The following PCDH9 variants were observed in gnomAD, a reference collection of about 807,000 sequenced individuals.
The protein encoded by PCDH9 is protocadherin-9.
A neutral mutation model predicts 70.6 loss-of-function variants in PCDH9; 24 were observed. That is an observed-to-expected ratio of 0.34 (90% CI 0.25 to 0.48). PCDH9 has a LOEUF of 0.48. Among genes scored for constraint, PCDH9 ranks in the 20% least tolerant of loss-of-function variants. The pLI, the probability that PCDH9 is intolerant of heterozygous loss-of-function variation, is 0.99. For missense variants in PCDH9, 1,281 were observed against 1,503.6 expected, an observed-to-expected ratio of 0.85 and a Z score of 2.45; for synonymous variants, 562 against 558.5, an observed-to-expected ratio of 1.01 and a Z score of -0.09.
At chr13:66,951,419 T>C (rs1046846395) in intron 2 of PCDH9, among the ~76,000 whole-genome samples, 1 of 152,146 alleles carries the variant, frequency 6.6e-6, no homozygotes, top group African/African-American at 2.4e-5. Context: ...CTTGCTTGTT[T>C]TTTGTTTGTT....
chr13:66,384,608 G>C (rs868768437), intron 4 of PCDH9, among the ~76,000 whole-genome samples: 2 of 152,128 alleles, frequency 1.3e-5, no homozygotes, highest in African/African-American at 4.8e-5. Context: ...TAGTCCTCAC[G>C]TTGTACCTTA....
At chr13:66,624,283 T>C (rs916078077) in intron 4 of PCDH9, among the ~76,000 whole-genome samples, 4 of 152,230 alleles carry the variant, frequency 2.6e-5, no homozygotes, top group African/African-American at 9.6e-5. Context: ...ATTAATGGTT[T>C]CATTGAATTT....
intron 2 of PCDH9, among the ~76,000 whole-genome samples, chr13:67,128,968 C>T (rs915027701): frequency 1.3e-5 from 2 of 152,152 alleles, no homozygotes; most frequent in African/African-American, 2.4e-5. Context: ...GTCAGTCCCC[C>T]AAGGCAGACA....
At chr13:66,555,740 T>C (rs1037942623) in intron 4 of PCDH9, among the ~76,000 whole-genome samples, 1 of 106,096 alleles carries the variant, frequency 9.4e-6, no homozygotes, top group East Asian at 3.2e-4. Context: ...GCTACTATTA[T>C]GAACCTTTGA....
chr13:66,793,548 CAACATTT>C (rs1250544479), intron 3 of PCDH9, among the ~76,000 whole-genome samples: 1 of 152,054 alleles, frequency 6.6e-6, no homozygotes, highest in Non-Finnish European at 1.5e-5. Context: ...TGTTGTCTTT[CAACATTT>C]ATGACGTATT....
intron 2 of PCDH9, among the ~76,000 whole-genome samples, chr13:67,093,541 A>G (rs533125971): frequency 6.6e-6 from 1 of 152,082 alleles, no homozygotes; most frequent in Non-Finnish European, 1.5e-5. Flanking sequence ...AAGCAAAAAC[A>G]CCTTGGAGTA....
intron 4 of PCDH9, among the ~76,000 whole-genome samples, chr13:66,435,317 CATT>C (rs1957848249): frequency 6.6e-6 from 1 of 152,116 alleles, no homozygotes; most frequent in Non-Finnish European, 1.5e-5. Flanking sequence ...ACTCCCTTAT[CATT>C]AAGGGACATT....
At chr13:67,123,875 T>C (rs2086923538) in intron 2 of PCDH9, among the ~76,000 whole-genome samples, 1 of 151,546 alleles carries the variant, frequency 6.6e-6, no homozygotes, top group Non-Finnish European at 1.5e-5. Flanking sequence ...ATGTATATTA[T>C]ATATAAATAT....
chr13:66,635,324 A>G (rs1702154458), intron 3 of PCDH9, among the ~76,000 whole-genome samples: 1 of 152,178 alleles, frequency 6.6e-6, no homozygotes, highest in South Asian at 2.1e-4. Context: ...GGTTATATAC[A>G]GATTTCTGGC....
At chr13:67,148,181 T>C (rs1225813323) in intron 2 of PCDH9, among the ~76,000 whole-genome samples, 2 of 150,334 alleles carry the variant, frequency 1.3e-5, no homozygotes, top group Non-Finnish European at 3.0e-5. Context: ...GTATCTAAGA[T>C]GTTAAGGCTA....
chr13:66,744,501 A>T (rs1486667221), intron 3 of PCDH9, among the ~76,000 whole-genome samples: 1 of 152,210 alleles, frequency 6.6e-6, no homozygotes, highest in African/African-American at 2.4e-5. Flanking sequence ...TGTTTGTGTT[A>T]GCCTTCCAGC....
At chr13:66,986,332 T>C (rs192533926) in intron 2 of PCDH9, among the ~76,000 whole-genome samples, 1 of 152,094 alleles carries the variant, frequency 6.6e-6, no homozygotes, top group Admixed American at 6.6e-5. Context: ...AAGATGAGAT[T>C]TGGGTGGGGA....
intron 4 of PCDH9, among the ~76,000 whole-genome samples, chr13:66,553,140 C>T (rs1364629727): frequency 6.6e-6 from 1 of 152,124 alleles, no homozygotes. Flanking sequence ...CATAGCCAAA[C>T]TATATCAGGG....
intron 2 of PCDH9, among the ~76,000 whole-genome samples, chr13:67,144,302 T>G (rs529225868): frequency 1.1e-3 from 160 of 152,266 alleles, no homozygotes; most frequent in Non-Finnish European, 2.0e-3. Context: ...GTAAAATTTG[T>G]AATAACTGTC....
At chr13:66,618,524 A>G (rs1306343557) in intron 4 of PCDH9, among the ~76,000 whole-genome samples, 1 of 152,176 alleles carries the variant, frequency 6.6e-6, no homozygotes, top group East Asian at 1.9e-4. Flanking sequence ...GTATGTATCT[A>G]AAGATAAAGA....
intron 3 of PCDH9, among the ~76,000 whole-genome samples, chr13:66,746,023 A>G (rs1425382864): frequency 6.6e-6 from 1 of 152,176 alleles, no homozygotes; most frequent in Non-Finnish European, 1.5e-5. Context: ...ACTACTACCA[A>G]CATTCATTTC....
chr13:66,638,832 C>T (rs2077673915), intron 3 of PCDH9, among the ~76,000 whole-genome samples: 1 of 152,142 alleles, frequency 6.6e-6, no homozygotes, highest in Non-Finnish European at 1.5e-5. Context: ...TCCATAATAA[C>T]TTTTAAGAGC....
chr13:67,134,112 C>CT (rs1259692512), intron 2 of PCDH9, among the ~76,000 whole-genome samples: 1 of 152,056 alleles, frequency 6.6e-6, no homozygotes, highest in Non-Finnish European at 1.5e-5. Flanking sequence ...ATAAAATCCT[C>CT]TAAGATTGCC....
intron 3 of PCDH9, among the ~76,000 whole-genome samples, chr13:66,821,052 A>G (rs2139380956): frequency 6.6e-6 from 1 of 152,284 alleles, no homozygotes; most frequent in South Asian, 2.1e-4. Flanking sequence ...ATAAGCTTCG[A>G]ATACCAAGTT....
Sources: allele counts gnomAD v4.1 joint callset (sites outside exome capture counted in the v4.1 genomes callset), GRCh38; gene constraint gnomAD v4.1.1; transcripts MANE v1.5; gene names NCBI Gene and HGNC (gene_info 2026-07-23, HGNC 2026-07-21).